TSNARE1: variants seen among roughly 807,000 people sequenced by gnomAD.
TSNARE1 encodes the protein t-SNARE domain containing 1.
In TSNARE1, 49 loss-of-function variants were observed where a neutral mutation model predicts 62.0. The observed-to-expected ratio is 0.79, with a 90% CI of 0.63 to 1.00. The LOEUF (loss-of-function observed/expected upper bound fraction) is 1.00, where lower values mean the gene tolerates loss of function less well. TSNARE1 is among the 50% of genes least tolerant of loss of function. TSNARE1 has a pLI of 0.00. For missense variants in TSNARE1, 755 were observed against 700.1 expected, an observed-to-expected ratio of 1.08 and a Z score of -0.88; for synonymous variants, 328 against 294.4, an observed-to-expected ratio of 1.11 and a Z score of -1.17.
At position 142,291,292 on chromosome 8, in the gene TSNARE1, C is replaced by A. The variant is rs1209096718; in HGVS notation, c.1291-6807G>T. ...CTTGTGCTGGAGTAGGGCACCTGGGCTCGAATCCCAGCTCCATGGCGTGTG... is the reference window on the plus strand; with the variant it reads ...CTTGTGCTGGAGTAGGGCACCTGGGATCGAATCCCAGCTCCATGGCGTGTG... On this transcript the variant is annotated intron_variant, in intron 10 of 13. Coordinates refer to ENST00000524325, the MANE Select transcript of TSNARE1 (RefSeq NM_145003.5). The surrounding 1 kb of genome is among the most constrained non-coding windows in gnomAD (Gnocchi z 4.8). Among the ~76,000 whole-genome samples the A allele has an allele frequency of 2.6e-5, 4 of 151,990 alleles. No homozygotes were observed. Among genetic ancestry groups the A allele is most frequent in the Non-Finnish European group, 5.9e-5 (4 of 68,012 alleles).
chr8:142,305,456 G>A (rs530917582), intron 9 of TSNARE1, among the ~76,000 whole-genome samples: 127 of 152,008 alleles, frequency 8.4e-4, no homozygotes, highest in Non-Finnish European at 7.9e-4. Flanking sequence ...TGGGATGCGA[G>A]CCGTGTGGAC....
chr8:142,233,655 GA>G (rs1490656070), intron 12 of TSNARE1, among the ~76,000 whole-genome samples: 1 of 152,200 alleles, frequency 6.6e-6, no homozygotes, highest in Non-Finnish European at 1.5e-5. Flanking sequence ...TCAGGAGGCT[GA>G]GCCCCTCCCC....
chr8:142,324,682 AG>A (rs1490507150), intron 6 of TSNARE1, among the ~76,000 whole-genome samples: 27 of 152,248 alleles, frequency 1.8e-4, no homozygotes, highest in Admixed American at 1.0e-3. Flanking sequence ...AAGCACCTGC[AG>A]GCTGGAGCTG....
chr8:142,395,869 T>C (rs1444370498), intron 1 of TSNARE1, among the ~76,000 whole-genome samples: 1 of 152,202 alleles, frequency 6.6e-6, no homozygotes, highest in Non-Finnish European at 1.5e-5. Context: ...TTCTTTCTAA[T>C]GTTGGGAGAG....
At chr8:142,325,732 A>T (rs1830117436) in intron 6 of TSNARE1, among the ~76,000 whole-genome samples, 1 of 152,202 alleles carries the variant, frequency 6.6e-6, no homozygotes, top group Non-Finnish European at 1.5e-5. Flanking sequence ...GAGCTGCGGG[A>T]TATGCAACAC....
At chr8:142,317,402 C>T (rs1037328956) in intron 7 of TSNARE1, among the ~76,000 whole-genome samples, 5 of 149,248 alleles carry the variant, frequency 3.4e-5, no homozygotes, top group African/African-American at 4.9e-5. Flanking sequence ...ACGCGTGAAG[C>T]GGGTATGGCC....
intron 4 of TSNARE1, among the ~76,000 whole-genome samples, chr8:142,337,793 T>C (rs1831969060): frequency 6.6e-6 from 1 of 152,196 alleles, no homozygotes; most frequent in African/African-American, 2.4e-5. Flanking sequence ...GGACGCCACA[T>C]CCTGGTCTCA....
rs184755203 is a variant in TSNARE1, at chr8:142,400,375, G to A, written c.-40+2729C>T. Among the ~76,000 whole-genome samples, 267 of 148,960 alleles carry A rather than the reference G, an allele frequency of 1.8e-3. 1 individual carries two copies. Among genetic ancestry groups the A allele is most frequent in the African/African-American group, 6.1e-3 (246 of 40,176 alleles). ...GCAGGAAAATCACTTGAACCCAGGA[G>A]GCAGAGGTTGCAGTGAACCAAGATT... On this transcript the variant is annotated intron_variant, in intron 1 of 13. Transcript: ENST00000524325.
At chr8:142,223,455 C>CTTAT (rs1816605991) in intron 13 of TSNARE1, among the ~76,000 whole-genome samples, 1 of 28,544 alleles carries the variant, frequency 3.5e-5, no homozygotes, top group African/African-American at 9.8e-5. Flanking sequence ...CACTCATTCG[C>CTTAT]TCATTCACTC....
Position 142,403,113 on chromosome 8 carries a change from G to T in TSNARE1, c.-49C>A, listed in dbSNP as rs1478586473. The T allele has an allele frequency of 3.4e-5, 5 of 148,958 alleles. No individual in the cohort carries two copies. Among genetic ancestry groups the T allele is most frequent in the South Asian group, 1.9e-4 (1 of 5,350 alleles). 9.2% of individuals were successfully genotyped at this position (148,958 alleles called of 1,614,324 possible). The stretch of plus-strand genomic sequence containing the variant: ...ACCGCCGCCGCCTCACCTGGGCCTC[G>T]GTGGCTCGCGGACCGCTCCGGGCGC... On this transcript the variant is annotated 5_prime_UTR_variant, in exon 1 of 14. Transcript: ENST00000524325.
At position 142,261,755 on chromosome 8, in the gene TSNARE1, A is replaced by C. The variant is rs1426718826; in HGVS notation, c.1446+13026T>G. On this transcript the variant is annotated intron_variant, in intron 12 of 13. Coordinates refer to ENST00000524325, the MANE Select transcript of TSNARE1 (RefSeq NM_145003.5). ...ACCACGAGCTCCGACAAGGCAGCTCACGGGCATAGAGGGGTCTGAGGCTGC... is the reference window on the plus strand; with the variant it reads ...ACCACGAGCTCCGACAAGGCAGCTCCCGGGCATAGAGGGGTCTGAGGCTGC... 2.0e-5 allele frequency among the ~76,000 whole-genome samples: 3 copies of C among 152,148 alleles called. No individual in the cohort carries two copies. In the East Asian group the frequency reaches 5.8e-4, roughly 29 times the overall value.
intron 12 of TSNARE1, among the ~76,000 whole-genome samples, chr8:142,235,043 G>A (rs74760648): frequency 0.019 from 2,930 of 152,242 alleles, 99 homozygotes; most frequent in African/African-American, 0.067. Context: ...TCACAGAAAC[G>A]GAGCAGGAGA....
intron 6 of TSNARE1, among the ~76,000 whole-genome samples, chr8:142,325,631 T>A (rs1045724485): frequency 6.6e-6 from 1 of 151,950 alleles, no homozygotes; most frequent in African/African-American, 2.4e-5. Context: ...AGACCCCAGG[T>A]CAGTCCAGAA....
intron 1 of TSNARE1, among the ~76,000 whole-genome samples, chr8:142,372,100 G>C (rs1323025085): frequency 6.6e-6 from 1 of 152,222 alleles, no homozygotes; most frequent in Non-Finnish European, 1.5e-5. Context: ...AATTCTGCTT[G>C]GCAGACATTA....
chr8:142,357,040 G>A (rs566809817), intron 1 of TSNARE1, among the ~76,000 whole-genome samples: 6 of 152,038 alleles, frequency 3.9e-5, no homozygotes, highest in Non-Finnish European at 8.8e-5. Flanking sequence ...CAGAGCGGGG[G>A]CCTCCAGAAA....
chr8:142,357,208 C>T (rs185335689), intron 1 of TSNARE1, among the ~76,000 whole-genome samples: 1 of 152,218 alleles, frequency 6.6e-6, no homozygotes. Context: ...AGAGCTCACT[C>T]GAGCTGGTTA....
chr8:142,395,433 C>T (rs1443507410), intron 1 of TSNARE1, among the ~76,000 whole-genome samples: 3 of 152,114 alleles, frequency 2.0e-5, no homozygotes, highest in Non-Finnish European at 4.4e-5. Context: ...AGAGGGGCGG[C>T]CCCAGCAAAG....
chr8:142,381,311 T>C (rs1467170188), intron 1 of TSNARE1, among the ~76,000 whole-genome samples: 5 of 152,316 alleles, frequency 3.3e-5, no homozygotes, highest in Admixed American at 2.6e-4. Flanking sequence ...ACCTGCCCAC[T>C]CTGTGATGGT....
At chr8:142,378,090 A>G (rs1039445186) in intron 1 of TSNARE1, among the ~76,000 whole-genome samples, 3 of 152,236 alleles carry the variant, frequency 2.0e-5, no homozygotes, top group Non-Finnish European at 4.4e-5. Flanking sequence ...AAGCACTTAC[A>G]TGCTGGAAAG....
Sources: allele counts gnomAD v4.1 joint callset (sites outside exome capture counted in the v4.1 genomes callset), GRCh38; gene constraint gnomAD v4.1.1; non-coding constraint Gnocchi (gnomAD v3.1); transcripts MANE v1.5; gene names NCBI Gene and HGNC (gene_info 2026-07-23, HGNC 2026-07-21).